The following CDH9 variants were observed in gnomAD, a reference collection of about 807,000 sequenced individuals.
The protein encoded by CDH9 is cadherin 9.
In CDH9, 28 loss-of-function variants were observed where a neutral mutation model predicts 70.9. The ratio of observed to expected loss-of-function variants is 0.40; its 90% CI spans 0.29 to 0.54. CDH9 has a LOEUF of 0.54. Among genes scored for constraint, CDH9 ranks in the 20% least tolerant of loss-of-function variants. The pLI is 0.59. For synonymous variants in CDH9, 409 were observed against 343.1 expected (o/e 1.19, Z -2.12); for missense variants, 874 against 984.4 (o/e 0.89, Z 1.50).
chr5:26,928,340 A>G (rs1741382521), intron 2 of CDH9, among the ~76,000 whole-genome samples: 1 of 152,104 alleles, frequency 6.6e-6, no homozygotes, highest in Non-Finnish European at 1.5e-5. Context: ...AATGCAAGAA[A>G]GGAGAGGATG....
intron 1 of CDH9, among the ~76,000 whole-genome samples, chr5:27,033,085 A>G (rs1358688075): frequency 6.6e-6 from 1 of 151,286 alleles, no homozygotes; most frequent in Non-Finnish European, 1.5e-5. Context: ...ACAGTTAAAA[A>G]AATAAAATTC....
At chr5:27,038,184 T>C (rs1165203632) in intron 1 of CDH9, among the ~76,000 whole-genome samples, 5 of 151,966 alleles carry the variant, frequency 3.3e-5, no homozygotes, top group African/African-American at 9.7e-5. Flanking sequence ...TTTACGACAA[T>C]ATTCCATATG....
chr5:26,961,010 G>A (rs1467921322), intron 2 of CDH9, among the ~76,000 whole-genome samples: 1 of 151,782 alleles, frequency 6.6e-6, no homozygotes, highest in African/African-American at 2.4e-5. Flanking sequence ...TCAATGGCTG[G>A]AAAGTAGAGT....
intron 7 of CDH9, among the ~76,000 whole-genome samples, chr5:26,901,351 T>A (rs1180842758): frequency 6.6e-6 from 1 of 151,914 alleles, no homozygotes; most frequent in Non-Finnish European, 1.5e-5. Context: ...AGGCATTAAC[T>A]ACACATTGGA....
At chr5:27,035,182 T>TATAC (rs1315992327) in intron 1 of CDH9, among the ~76,000 whole-genome samples, 1 of 148,260 alleles carries the variant, frequency 6.7e-6, no homozygotes. Flanking sequence ...TATATATATA[T>TATAC]ATATATATAT....
rs1257661796 is a variant in CDH9, at chr5:26,886,041, G to A, written c.1555C>T (p.Arg519Ter). Residue 519 changes from arginine to a stop codon, truncating the protein, a stop_gained, in exon 10 of 12, where the codon CGA (arginine) becomes TGA (stop). Transcript: ENST00000231021. LOFTEE classifies it high-confidence loss of function. ...VSVMDKDDPP[R>*]GHKFFFEPVP... ...GGTTCAAAAAAGAATTTGTGACCTC[G>A]GGGAGGGTCATCCTTATCCATGACA... is the stretch of plus-strand genomic sequence containing the variant. 1.9e-6 allele frequency: 3 copies of A among 1,611,124 alleles called. No homozygotes were observed. Among genetic ancestry groups the A allele is most frequent in the African/African-American group, 1.3e-5 (1 of 74,694 alleles).
At position 26,889,838 on chromosome 5, in the gene CDH9, G is replaced by T; in HGVS notation, c.1510C>A (p.Gln504Lys). ...AAGTTTTTAATGATTTTATTTACCT[G>T]CCCAGGTTTTGCATTTTCACAAACA... ...TFVCENAKPGQLIQTVSVMDK... is the reference protein window; with the variant it reads ...TFVCENAKPGKLIQTVSVMDK... The change falls in exon 9 of 12, where the codon CAG becomes AAG. Residue 504 changes from glutamine (Q) to lysine (K), a missense_variant and splice_region_variant. By Grantham distance (53) the Gln-to-Lys change is moderately conservative. Coordinates refer to ENST00000231021, the MANE Select transcript of CDH9 (RefSeq NM_016279.4). 1.9e-6 allele frequency: 3 copies of T among 1,567,842 alleles called. No homozygotes were observed. The highest frequency in any genetic ancestry group is 1.8e-6 in the Non-Finnish European group (2 of 1,142,220).
At chr5:27,030,800 C>T (rs1561046738) in intron 1 of CDH9, among the ~76,000 whole-genome samples, 1 of 116,334 alleles carries the variant, frequency 8.6e-6, no homozygotes, top group Non-Finnish European at 2.0e-5. Context: ...TTTAAAGGAG[C>T]AAATACATAT....
intron 2 of CDH9, among the ~76,000 whole-genome samples, chr5:26,925,535 C>A (rs1741322091): frequency 1.3e-5 from 2 of 152,086 alleles, no homozygotes; most frequent in Admixed American, 1.3e-4. Context: ...TTGGGCTATA[C>A]AGAAGCTTTT....
chr5:26,887,830 G>T (rs1426006064), intron 9 of CDH9, among the ~76,000 whole-genome samples: 1 of 152,108 alleles, frequency 6.6e-6, no homozygotes, highest in African/African-American at 2.4e-5. Context: ...ACAGAGATTG[G>T]AGTAATTGGC....
chr5:26,945,336 A>G (rs1579467681), intron 2 of CDH9, among the ~76,000 whole-genome samples: 1 of 152,048 alleles, frequency 6.6e-6, no homozygotes, highest in African/African-American at 2.4e-5. Flanking sequence ...TTTTTTCATT[A>G]AAATAATGCA....
chr5:26,933,632 G>C (rs927259506), intron 2 of CDH9, among the ~76,000 whole-genome samples: 1 of 151,756 alleles, frequency 6.6e-6, no homozygotes, highest in African/African-American at 2.4e-5. Context: ...AAATTAGCTG[G>C]GCGTGGTGGC....
At chr5:26,925,709 T>C (rs1342270436) in intron 2 of CDH9, among the ~76,000 whole-genome samples, 2 of 152,034 alleles carry the variant, frequency 1.3e-5, no homozygotes, top group Admixed American at 6.6e-5. Flanking sequence ...TTTAATCCAT[T>C]TTAAATTAAT....
intron 2 of CDH9, among the ~76,000 whole-genome samples, chr5:26,916,947 T>C (rs1184457023): frequency 1.3e-5 from 2 of 151,998 alleles, no homozygotes; most frequent in African/African-American, 4.8e-5. Context: ...GATTATGTTT[T>C]CATAAATTAT....
chr5:26,929,695 C>G (rs1741406806), intron 2 of CDH9, among the ~76,000 whole-genome samples: 1 of 151,964 alleles, frequency 6.6e-6, no homozygotes, highest in Non-Finnish European at 1.5e-5. Context: ...TTCAAAAACA[C>G]AGATGGAACT....
chr5:26,960,771 T>C (rs904288470), intron 2 of CDH9, among the ~76,000 whole-genome samples: 1 of 150,154 alleles, frequency 6.7e-6, no homozygotes. Flanking sequence ...AAAAATAAAT[T>C]AGGTAAAAGT....
In CDH9 at chr5:26,988,180, T is replaced by C; in HGVS notation, c.154A>G (p.Lys52Glu). 1 of 1,613,502 alleles carries C rather than the reference T, an allele frequency of 6.2e-7. No homozygotes were observed. The highest frequency in any genetic ancestry group is 8.5e-7 in the Non-Finnish European group (1 of 1,179,646). ...AACTGATTCCACATCCAGCCACGCT[T>C]GGTGCGACGTAGCATTTTACCGTCA... Reference protein sequence around the residue: ...KDDGKMLRRTKRGWMWNQFFL... With the variant: ...KDDGKMLRRTERGWMWNQFFL... The change falls in exon 2 of 12, where the codon AAG becomes GAG. Residue 52 changes from lysine (K) to glutamate (E), a missense_variant. Lys to Glu is a moderately conservative substitution (Grantham distance 56). Transcript: ENST00000231021.
At position 26,906,343 on chromosome 5, in the gene CDH9, G is replaced by A. The variant is rs149769082; in HGVS notation, c.644-217C>T. On this transcript the variant is annotated intron_variant, in intron 4 of 11. Coordinates refer to ENST00000231021, the MANE Select transcript of CDH9 (RefSeq NM_016279.4). Reference sequence around the variant, plus strand: ...ATGAAATGGGTTTTGCTAAATCAATGTATTTAATTTTTTTGATTACAAAAA... The same window carrying A: ...ATGAAATGGGTTTTGCTAAATCAATATATTTAATTTTTTTGATTACAAAAA... Among the ~76,000 whole-genome samples the A allele has an allele frequency of 4.1e-3, 629 of 152,182 alleles. 3 individuals carry two copies. The highest frequency in any genetic ancestry group is 0.014 in the African/African-American group (577 of 41,538).
chr5:26,908,158 G>A (rs868378997), intron 3 of CDH9, among the ~76,000 whole-genome samples: 1 of 152,050 alleles, frequency 6.6e-6, no homozygotes, highest in South Asian at 2.1e-4. Context: ...CAACTGTGAT[G>A]GAATTGATGT....
Sources: gnomAD v4.1 joint callset for allele counts (sites outside exome capture counted in the v4.1 genomes callset) on GRCh38, gnomAD v4.1.1 for gene constraint, MANE v1.5 for transcripts, NCBI Gene and HGNC (gene_info 2026-07-23, HGNC 2026-07-21) for gene names.